The following PARP11 variants were observed in gnomAD, a reference collection of about 807,000 sequenced individuals.
PARP11 encodes the protein poly(ADP-ribose) polymerase family member 11.
A neutral mutation model predicts 42.9 loss-of-function variants in PARP11; 31 were observed. That is an observed-to-expected ratio of 0.72 (90% CI 0.54 to 0.98). The LOEUF is 0.98. Among genes scored for constraint, PARP11 ranks in the 50% least tolerant of loss-of-function variants. PARP11 has a pLI of 0.00. For synonymous variants in PARP11, 137 were observed against 127.3 expected, an observed-to-expected ratio of 1.08 and a Z score of -0.51; for missense variants, 365 against 413.1, an observed-to-expected ratio of 0.88 and a Z score of 1.01.
chr12:3,830,119 G>A, intron 1 of PARP11, 101 bp from the exon 2 acceptor site: 1 of 1,039,304 alleles, frequency 9.6e-7, no homozygotes, highest in East Asian at 2.6e-5. Context: ...GTATTCAAGT[G>A]TCTTTCCTCC....
intron 6 of PARP11, among the ~76,000 whole-genome samples, chr12:3,820,600 G>T (rs1205529142): frequency 6.6e-6 from 1 of 152,136 alleles, no homozygotes; most frequent in Non-Finnish European, 1.5e-5. Flanking sequence ...AGTTATGGGG[G>T]AGACCAATTT....
chr12:3,817,870 G>A (rs148739302), intron 6 of PARP11, among the ~76,000 whole-genome samples: 3 of 152,298 alleles, frequency 2.0e-5, no homozygotes, highest in Non-Finnish European at 4.4e-5. Flanking sequence ...TCAGAACCCA[G>A]AGGTTCTGAT....
At chr12:3,845,594 G>A (rs978786572) in intron 1 of PARP11, among the ~76,000 whole-genome samples, 50 of 152,092 alleles carry the variant, frequency 3.3e-4, no homozygotes, top group African/African-American at 1.2e-3. Flanking sequence ...TTTTACTTAA[G>A]GATACTAAGC....
At chr12:3,825,831 A>T (rs1205521838) in intron 4 of PARP11, among the ~76,000 whole-genome samples, 1 of 152,076 alleles carries the variant, frequency 6.6e-6, no homozygotes, top group Non-Finnish European at 1.5e-5. Flanking sequence ...GGTTCACACC[A>T]TTCTCCTGAC....
intron 6 of PARP11, 110 bp downstream of exon 6, chr12:3,821,763 G>A (rs560892450): frequency 1.7e-6 from 2 of 1,172,714 alleles, no homozygotes; most frequent in East Asian, 2.4e-5. Flanking sequence ...AATACGGCAA[G>A]AGAAAAACAG....
At chr12:3,849,821 T>C (rs1003595870) in intron 1 of PARP11, among the ~76,000 whole-genome samples, 1 of 152,140 alleles carries the variant, frequency 6.6e-6, no homozygotes, top group Non-Finnish European at 1.5e-5. Flanking sequence ...AAGGGAATAG[T>C]TTGAATGGTT....
intron 1 of PARP11, among the ~76,000 whole-genome samples, chr12:3,838,729 AAGAG>A (rs1947815602): frequency 6.6e-6 from 1 of 152,266 alleles, no homozygotes; most frequent in African/African-American, 2.4e-5. Context: ...CTAAGAAAAA[AAGAG>A]AAGATCCAGG....
chr12:3,821,758 G>A (rs547251302), intron 6 of PARP11, 115 bp downstream of exon 6: 10 of 1,113,492 alleles, frequency 9.0e-6, no homozygotes, highest in South Asian at 2.8e-5. Context: ...GTCAAAATAC[G>A]GCAAGAGAAA....
chr12:3,813,580 C>T (rs1273924319), intron 7 of PARP11, among the ~76,000 whole-genome samples: 2 of 152,108 alleles, frequency 1.3e-5, no homozygotes, highest in African/African-American at 4.8e-5. Context: ...GTGGAATGGC[C>T]TTTTTAGTAG....
chr12:3,858,593 CAAAA>C (rs1476495272), intron 1 of PARP11, among the ~76,000 whole-genome samples: 1 of 152,122 alleles, frequency 6.6e-6, no homozygotes, highest in Non-Finnish European at 1.5e-5. Flanking sequence ...TACCTAAAGT[CAAAA>C]AATACAGTGT....
rs1381485600 is a variant in PARP11 at position 3,861,475 on chromosome 12, T to C, written c.18+11737A>G. ...GTTATTTTCCATCTGCTTATCTTCT[T>C]TGGTGCAGTGTCTATTCATATCTTT... On this transcript the variant is annotated intron_variant, in intron 1 of 7. Coordinates refer to ENST00000228820, the MANE Select transcript of PARP11 (RefSeq NM_020367.6). The surrounding 1 kb of genome is among the most constrained non-coding windows in gnomAD (Gnocchi z 4.6). Among the ~76,000 whole-genome samples the C allele has an allele frequency of 1.3e-5, 2 of 152,356 alleles. No homozygotes were observed. The highest frequency in any genetic ancestry group is 2.9e-5 in the Non-Finnish European group (2 of 68,028).
chr12:3,873,279 G>A lies in PARP11; in HGVS notation c.-50C>T. 3.2e-6 allele frequency: 5 copies of A among 1,544,406 alleles called. No homozygotes were observed. Among genetic ancestry groups the A allele is most frequent in the Non-Finnish European group, 4.4e-6 (5 of 1,141,182 alleles). On this transcript the variant is annotated 5_prime_UTR_variant, in exon 1 of 8. Transcript: ENST00000228820. ...GAGCCTGTGGGAAGGGGCTAGCCGC[G>A]GGGCCTGGGTGTTGGATTTTTTTTT...
chr12:3,809,012 T>C lies in PARP11; in HGVS notation c.*3111A>G, dbSNP rs1373129980. ...ACTTTCCTGTTTATAACTAAAAGAT[T>C]TATGAAACTTTTTTTTTTACCCTGA... On this transcript the variant is annotated 3_prime_UTR_variant, in exon 8 of 8. Transcript: ENST00000228820. 7.1e-6 allele frequency: 1 copy of C among 141,708 alleles called. No individual in the cohort carries two copies. Among genetic ancestry groups the C allele is most frequent in the Non-Finnish European group, 1.5e-5 (1 of 67,108 alleles). 8.8% of individuals were successfully genotyped at this position (141,708 alleles called of 1,614,324 possible).
intron 1 of PARP11, 70 bp from the exon 2 acceptor site, chr12:3,830,088 T>C: frequency 7.1e-7 from 1 of 1,402,860 alleles, no homozygotes; most frequent in Non-Finnish European, 9.9e-7. Context: ...TACAGATCAT[T>C]TTACTTCTTT....
chr12:3,854,869 C>T (rs746323792), intron 1 of PARP11, among the ~76,000 whole-genome samples: 4 of 151,996 alleles, frequency 2.6e-5, no homozygotes, highest in Admixed American at 1.3e-4. Context: ...TGAACATCAA[C>T]GCAAAAATCC....
At chr12:3,839,836 A>C (rs1947849834) in intron 1 of PARP11, 1 of 1,140,964 alleles carries the variant, frequency 8.8e-7, no homozygotes, top group Non-Finnish European at 1.3e-6. Context: ...GGTATTTAAA[A>C]CTGATGTTAG....
intron 3 of PARP11, among the ~76,000 whole-genome samples, chr12:3,828,683 C>G (rs1238545328): frequency 6.6e-6 from 1 of 151,864 alleles, no homozygotes; most frequent in African/African-American, 2.4e-5. Flanking sequence ...ATATATAAGA[C>G]AATCTTCACA....
At chr12:3,819,375 T>A (rs1177384889) in intron 6 of PARP11, among the ~76,000 whole-genome samples, 1 of 152,214 alleles carries the variant, frequency 6.6e-6, no homozygotes, top group Non-Finnish European at 1.5e-5. Context: ...TTTCAATTAC[T>A]GAGATTTTGT....
At chr12:3,868,717 T>A (rs1293446298) in intron 1 of PARP11, among the ~76,000 whole-genome samples, 7 of 152,172 alleles carry the variant, frequency 4.6e-5, no homozygotes, top group Non-Finnish European at 7.4e-5. Context: ...GTAGTCACCT[T>A]CATAGGTGAC....
Sources: allele counts gnomAD v4.1 joint callset (sites outside exome capture counted in the v4.1 genomes callset), GRCh38; gene constraint gnomAD v4.1.1; non-coding constraint Gnocchi (gnomAD v3.1); transcripts MANE v1.5; gene names NCBI Gene and HGNC (gene_info 2026-07-23, HGNC 2026-07-21).